Variants in KCNK2 observed in about 807,000 individuals in gnomAD.
The protein encoded by KCNK2 is potassium channel subfamily K member 2.
Under a neutral mutation model 40.5 loss-of-function variants are expected in KCNK2, and 21 were observed. The ratio of observed to expected loss-of-function variants is 0.52; its 90% CI spans 0.37 to 0.75. KCNK2 has a LOEUF of 0.75. Among genes scored for constraint, KCNK2 ranks in the 30% least tolerant of loss-of-function variants. The pLI, the probability that KCNK2 is intolerant of heterozygous loss-of-function variation, is 0.00. For synonymous variants in KCNK2, 191 were observed against 202.2 expected, an observed-to-expected ratio of 0.94 and a Z score of 0.47; for missense variants, 399 against 531.6, an observed-to-expected ratio of 0.75 and a Z score of 2.45.
intron 6 of KCNK2, among the ~76,000 whole-genome samples, chr1:215,201,954 A>C (rs1665096893): frequency 6.6e-6 from 1 of 150,878 alleles, no homozygotes; most frequent in Non-Finnish European, 1.5e-5. Flanking sequence ...TATTGCTTTG[A>C]TTTCTATCAT....
chr1:215,109,227 G>A lies in KCNK2; in HGVS notation c.358-15406G>A, dbSNP rs893394152. On this transcript the variant is annotated intron_variant, in intron 2 of 6. Coordinates refer to ENST00000444842, the MANE Select transcript of KCNK2 (RefSeq NM_001017425.3). ...GGTATATTTTAAGTTCTCTCGACCA[G>A]CTACTCTAAAATATATATTAAGTTA... Among the ~76,000 whole-genome samples the A allele has an allele frequency of 2.0e-5, 3 of 151,952 alleles. 1 individual carries two copies. In the South Asian group the frequency reaches 6.2e-4, roughly 31 times the overall value.
chr1:215,061,685 T>C (rs1658367204), intron 1 of KCNK2, among the ~76,000 whole-genome samples: 1 of 152,128 alleles, frequency 6.6e-6, no homozygotes, highest in Non-Finnish European at 1.5e-5. Flanking sequence ...GGGGCCTTCA[T>C]ATAAAAATAT....
chr1:215,030,534 T>C (rs1657149562), intron 1 of KCNK2, among the ~76,000 whole-genome samples: 1 of 150,666 alleles, frequency 6.6e-6, no homozygotes, highest in South Asian at 2.1e-4. Flanking sequence ...TTTTCTATGT[T>C]ACCTATCTTT....
chr1:215,024,853 A>G (rs1656938659), intron 1 of KCNK2, among the ~76,000 whole-genome samples: 1 of 152,158 alleles, frequency 6.6e-6, no homozygotes, highest in South Asian at 2.1e-4. Flanking sequence ...CAGAGCTAAC[A>G]AATTTAATAG....
intron 3 of KCNK2, among the ~76,000 whole-genome samples, chr1:215,149,433 G>A (rs1662587161): frequency 6.6e-6 from 1 of 152,128 alleles, no homozygotes; most frequent in Admixed American, 6.6e-5. Flanking sequence ...TCTGTCAGTG[G>A]GCATAGGGAT....
At chr1:215,174,946 G>T (rs1385545720) in intron 5 of KCNK2, among the ~76,000 whole-genome samples, 1 of 151,992 alleles carries the variant, frequency 6.6e-6, no homozygotes, top group Non-Finnish European at 1.5e-5. Context: ...TTTCCTAATT[G>T]AATACCCTTT....
At chr1:215,175,000 C>G (rs1243854208) in intron 5 of KCNK2, among the ~76,000 whole-genome samples, 1 of 152,128 alleles carries the variant, frequency 6.6e-6, no homozygotes, top group Non-Finnish European at 1.5e-5. Flanking sequence ...ACTTCCAACA[C>G]TATGTTGAAT....
chr1:215,231,803 G>A (rs10779655), intron 6 of KCNK2, among the ~76,000 whole-genome samples: 34,525 of 152,102 alleles, frequency 0.23, 4,513 homozygotes, highest in African/African-American at 0.36. Context: ...ATGGCTGGAG[G>A]GGCCTCACAA....
intron 1 of KCNK2, among the ~76,000 whole-genome samples, chr1:215,032,462 A>G (rs1181729732): frequency 6.6e-6 from 1 of 151,986 alleles, no homozygotes; most frequent in Non-Finnish European, 1.5e-5. Flanking sequence ...TTTTACCTTC[A>G]CTTATTCTTT....
At chr1:215,089,660 G>C (rs66943143) in intron 2 of KCNK2, among the ~76,000 whole-genome samples, 23,064 of 151,810 alleles carry the variant, frequency 0.15, 1,819 homozygotes, top group Middle Eastern at 0.26. Context: ...GTTGTTTTTG[G>C]CACTGGACCT....
chr1:215,039,132 A>G (rs1054326223), intron 1 of KCNK2, among the ~76,000 whole-genome samples: 1 of 152,150 alleles, frequency 6.6e-6, no homozygotes, highest in African/African-American at 2.4e-5. Flanking sequence ...AAGACTATCT[A>G]TAAGAATGCA....
intron 2 of KCNK2, among the ~76,000 whole-genome samples, chr1:215,120,693 T>C (rs1661152627): frequency 6.6e-6 from 1 of 152,166 alleles, no homozygotes; most frequent in African/African-American, 2.4e-5. Flanking sequence ...CACAAGCAAC[T>C]CTTTCAGATT....
intron 6 of KCNK2, among the ~76,000 whole-genome samples, chr1:215,233,099 T>G (rs999436260): frequency 1.3e-5 from 2 of 152,184 alleles, no homozygotes; most frequent in African/African-American, 4.8e-5. Flanking sequence ...GGATCCCTTA[T>G]AGGAACAGTA....
chr1:215,181,145 C>G (rs1664203040), intron 5 of KCNK2, among the ~76,000 whole-genome samples: 1 of 152,050 alleles, frequency 6.6e-6, no homozygotes, highest in Non-Finnish European at 1.5e-5. Flanking sequence ...TCTCTTTGGT[C>G]CAGTCTGTTG....
At chr1:215,034,482 C>T (rs1657316842) in intron 1 of KCNK2, among the ~76,000 whole-genome samples, 1 of 151,920 alleles carries the variant, frequency 6.6e-6, no homozygotes, top group African/African-American at 2.4e-5. Context: ...ATGTATCTAA[C>T]TTTATAAGTA....
chr1:215,209,340 A>G (rs1558139837), intron 6 of KCNK2, among the ~76,000 whole-genome samples: 2 of 94,946 alleles, frequency 2.1e-5, no homozygotes, highest in Non-Finnish European at 3.8e-5. Context: ...TTATATATAT[A>G]ATATATATAT....
At chr1:215,227,556 T>C (rs1666433990) in intron 6 of KCNK2, among the ~76,000 whole-genome samples, 1 of 151,938 alleles carries the variant, frequency 6.6e-6, no homozygotes, top group Admixed American at 6.6e-5. Context: ...CTTTAAAGAG[T>C]TGGAACTTTA....
intron 2 of KCNK2, among the ~76,000 whole-genome samples, chr1:215,088,636 A>G (rs1659561812): frequency 6.6e-6 from 1 of 151,922 alleles, no homozygotes; most frequent in Non-Finnish European, 1.5e-5. Flanking sequence ...TTATGTGTGA[A>G]TTTGAAAATG....
intron 6 of KCNK2, among the ~76,000 whole-genome samples, chr1:215,212,822 C>T (rs990429568): frequency 6.6e-6 from 1 of 152,082 alleles, no homozygotes; most frequent in Admixed American, 6.5e-5. Flanking sequence ...TCTGAGATTC[C>T]CTTTGATCCA....
Sources: allele counts gnomAD v4.1 joint callset (sites outside exome capture counted in the v4.1 genomes callset), GRCh38; gene constraint gnomAD v4.1.1; transcripts MANE v1.5; gene names NCBI Gene and HGNC (gene_info 2026-07-23, HGNC 2026-07-21).